PSD3: variants seen among roughly 807,000 people sequenced by gnomAD.
PSD3 encodes pleckstrin and Sec7 domain containing 3.
A neutral mutation model predicts 105.5 loss-of-function variants in PSD3; 49 were observed. The observed-to-expected ratio is 0.46, with a 90% CI of 0.37 to 0.59. PSD3 has a LOEUF of 0.59. Ranked by LOEUF, PSD3 falls within the 20% of genes least tolerant of loss-of-function variation. PSD3 has a pLI of 0.00. For missense variants in PSD3, 1,561 were observed against 1,263.8 expected (o/e 1.24, Z -3.57); for synonymous variants, 557 against 457.8 (o/e 1.22, Z -2.77).
chr8:18,555,475 C>A (rs73209800), intron 15 of PSD3, among the ~76,000 whole-genome samples: 15,985 of 152,104 alleles, frequency 0.11, 902 homozygotes, highest in South Asian at 0.22. Context: ...ATAATTAATT[C>A]TTTTTATTTT....
chr8:18,881,312 C>T (rs1272228138), intron 2 of PSD3, among the ~76,000 whole-genome samples: 1 of 152,012 alleles, frequency 6.6e-6, no homozygotes, highest in Non-Finnish European at 1.5e-5. Context: ...AGGGACAGAG[C>T]TGTAATAAAA....
At chr8:18,619,889 T>G (rs1054086397) in intron 11 of PSD3, among the ~76,000 whole-genome samples, 1 of 152,178 alleles carries the variant, frequency 6.6e-6, no homozygotes, top group South Asian at 2.1e-4. Flanking sequence ...GTGGGGGAAA[T>G]TAACATCTTT....
chr8:18,984,836 G>A (rs954141065), intron 1 of PSD3, among the ~76,000 whole-genome samples: 4 of 152,180 alleles, frequency 2.6e-5, no homozygotes, highest in African/African-American at 9.7e-5. Context: ...GACCTTGGAG[G>A]CTGTGAAGGC....
At chr8:18,961,422 C>A (rs1366024537) in intron 1 of PSD3, among the ~76,000 whole-genome samples, 1 of 152,202 alleles carries the variant, frequency 6.6e-6, no homozygotes, top group African/African-American at 2.4e-5. Context: ...GGCGCGGTGG[C>A]TCACGCCTAT....
Position 18,997,486 on chromosome 8 carries a change from C to T in PSD3, c.21+16077G>A, listed in dbSNP as rs114789341. Among the ~76,000 whole-genome samples the T allele has an allele frequency of 5.8e-3, 881 of 152,058 alleles. 15 individuals are homozygous for T. Among genetic ancestry groups the T allele is most frequent in the African/African-American group, 0.02 (848 of 41,460 alleles). ...TGGTTTTCCTACTTCCACTCTTCCC[C>T]GCTTCAGTCTATTCTCATGAGACAC... On this transcript the variant is annotated intron_variant, in intron 1 of 15. Coordinates refer to ENST00000327040, the MANE Select transcript of PSD3 (RefSeq NM_015310.4).
At chr8:18,962,370 C>T (rs11774278) in intron 1 of PSD3, among the ~76,000 whole-genome samples, 28,758 of 152,052 alleles carry the variant, frequency 0.19, 3,014 homozygotes, top group Non-Finnish European at 0.24. Flanking sequence ...GTAAATACCA[C>T]GAATTGCCTT....
intron 14 of PSD3, among the ~76,000 whole-genome samples, chr8:18,567,887 T>C (rs1801893044): frequency 6.6e-6 from 1 of 152,224 alleles, no homozygotes; most frequent in South Asian, 2.1e-4. Flanking sequence ...AGGTGGGACC[T>C]GGTAAGAGGT....
In PSD3 at chr8:18,802,031, C is replaced by T. The variant is rs538597469; in HGVS notation, c.1911-649G>A. ...AAAGGCTATGTTTTAAAACTCTACA[C>T]GCATCAGGGTGCTTCTGTCATTTTG... On this transcript the variant is annotated intron_variant, in intron 6 of 15. Coordinates refer to ENST00000327040, the MANE Select transcript of PSD3 (RefSeq NM_015310.4). Among the ~76,000 whole-genome samples the T allele has an allele frequency of 8.5e-5, 13 of 152,214 alleles. No homozygotes were observed. The East Asian group carries it at 9.6e-4, about 11-fold the overall frequency.
At chr8:18,668,770 T>C (rs1464559809) in intron 9 of PSD3, among the ~76,000 whole-genome samples, 1 of 152,238 alleles carries the variant, frequency 6.6e-6, no homozygotes, top group African/African-American at 2.4e-5. Flanking sequence ...CACACCTGTG[T>C]ACATATTATT....
chr8:18,623,812 A>T (rs1030719941), intron 11 of PSD3, among the ~76,000 whole-genome samples: 9 of 152,192 alleles, frequency 5.9e-5, no homozygotes, highest in African/African-American at 2.2e-4. Context: ...TTCCAGAAGT[A>T]ACAACCATTC....
At chr8:18,985,486 T>G (rs1041719964) in intron 1 of PSD3, among the ~76,000 whole-genome samples, 1 of 152,214 alleles carries the variant, frequency 6.6e-6, no homozygotes, top group Non-Finnish European at 1.5e-5. Context: ...TAAGAGATGA[T>G]ATAAAACATA....
chr8:18,729,652 C>A (rs1251086060), intron 9 of PSD3, among the ~76,000 whole-genome samples: 2 of 152,162 alleles, frequency 1.3e-5, no homozygotes, highest in Non-Finnish European at 2.9e-5. Flanking sequence ...AGAAAAGATA[C>A]CCAACATCTG....
chr8:18,938,578 G>C (rs933034446), intron 1 of PSD3, among the ~76,000 whole-genome samples: 4 of 150,744 alleles, frequency 2.7e-5, no homozygotes, highest in Non-Finnish European at 5.9e-5. Context: ...AACCGCGATG[G>C]CGCTATTGCA....
chr8:18,905,559 T>C (rs1412098041), intron 2 of PSD3, among the ~76,000 whole-genome samples: 2 of 152,200 alleles, frequency 1.3e-5, no homozygotes, highest in Non-Finnish European at 2.9e-5. Flanking sequence ...TGACCTCAGG[T>C]GATCCACCCA....
intron 9 of PSD3, among the ~76,000 whole-genome samples, chr8:18,762,099 A>C (rs907585590): frequency 6.6e-6 from 1 of 152,190 alleles, no homozygotes; most frequent in African/African-American, 2.4e-5. Context: ...ACCAAAACTC[A>C]TGTTGAATAA....
intron 8 of PSD3, among the ~76,000 whole-genome samples, chr8:18,790,322 G>C (rs75621107): frequency 2.1e-5 from 1 of 48,468 alleles, no homozygotes; most frequent in Non-Finnish European, 4.1e-5. Flanking sequence ...TTTTTTTTTT[G>C]AGACGGAGTC....
At chr8:18,537,123 T>C (rs1342478544) in intron 15 of PSD3, among the ~76,000 whole-genome samples, 1 of 152,218 alleles carries the variant, frequency 6.6e-6, no homozygotes, top group Admixed American at 6.5e-5. Flanking sequence ...ATTCAGTATG[T>C]TCTGGGGTTG....
chr8:18,815,798 C>T (rs986971143), intron 4 of PSD3, among the ~76,000 whole-genome samples: 4 of 152,106 alleles, frequency 2.6e-5, no homozygotes, highest in African/African-American at 9.7e-5. Context: ...ATGCACGCTA[C>T]AGGCAGTTTC....
At chr8:18,952,741 G>A (rs1823318251) in intron 1 of PSD3, among the ~76,000 whole-genome samples, 1 of 152,190 alleles carries the variant, frequency 6.6e-6, no homozygotes, top group Admixed American at 6.5e-5. Flanking sequence ...ACAAGTCCAT[G>A]CAATTAAATA....
Sources: gnomAD v4.1 joint callset for allele counts (sites outside exome capture counted in the v4.1 genomes callset) on GRCh38, gnomAD v4.1.1 for gene constraint, MANE v1.5 for transcripts, NCBI Gene and HGNC (gene_info 2026-07-23, HGNC 2026-07-21) for gene names.